Variants in DENND1A observed in about 807,000 individuals in gnomAD.
DENND1A encodes the protein DENN domain containing 1A.
DENND1A carries 51 observed loss-of-function variants against 113.7 expected under a neutral mutation model. The ratio of observed to expected loss-of-function variants is 0.45; its 90% confidence interval spans 0.36 to 0.57. The LOEUF is 0.57. Among genes scored for constraint, DENND1A ranks in the 20% least tolerant of loss-of-function variants. DENND1A has a pLI of 0.00. For synonymous variants in DENND1A, 565 were observed against 570.8 expected, an observed-to-expected ratio of 0.99 and a Z score of 0.14; for missense variants, 1,258 against 1,395.9, an observed-to-expected ratio of 0.90 and a Z score of 1.57.
At chr9:123,690,901 T>C (rs548857744) in intron 5 of DENND1A, among the ~76,000 whole-genome samples, 1 of 152,346 alleles carries the variant, frequency 6.6e-6, no homozygotes, top group East Asian at 1.9e-4. Context: ...AACAAACTGG[T>C]CACACGAGAG....
In DENND1A at chr9:123,485,651, C is replaced by CAA. The variant is rs753163146; in HGVS notation, c.994-27755_994-27754insTT. The CAA allele has an allele frequency of 6.1e-5, 3 of 48,812 alleles. No individual in the cohort carries two copies. In the South Asian group the frequency reaches 2.7e-3, roughly 44 times the overall value. 3.0% of individuals were successfully genotyped at this position (48,812 alleles called of 1,614,324 possible). A position where few individuals can be genotyped will look rare whatever the true frequency, so the allele number is the denominator to read the frequency against. ...GTGTGTGCGCGTACACACACGCGCG[C>CAA]GCGCGCACACACACACACACACACA... On this transcript the variant is annotated intron_variant, in intron 13 of 23. Transcript: ENST00000394215.
At chr9:123,600,363 C>A (rs1347817420) in intron 11 of DENND1A, among the ~76,000 whole-genome samples, 2 of 152,130 alleles carry the variant, frequency 1.3e-5, no homozygotes, top group African/African-American at 4.8e-5. Context: ...TCATTGAAAA[C>A]TCCTATGAAA....
intron 19 of DENND1A, among the ~76,000 whole-genome samples, chr9:123,432,276 C>T (rs1281663855): frequency 6.6e-6 from 1 of 152,248 alleles, no homozygotes; most frequent in Non-Finnish European, 1.5e-5. Context: ...GCCTTGTTAA[C>T]CTTTCATCAG....
intron 2 of DENND1A, among the ~76,000 whole-genome samples, chr9:123,809,082 C>T (rs1788722822): frequency 6.6e-6 from 1 of 152,186 alleles, no homozygotes; most frequent in Non-Finnish European, 1.5e-5. Context: ...AGACAGGAGG[C>T]AACAGGAGGA....
At chr9:123,560,616 G>C (rs562121713) in intron 12 of DENND1A, among the ~76,000 whole-genome samples, 31 of 151,856 alleles carry the variant, frequency 2.0e-4, no homozygotes, top group African/African-American at 5.8e-4. Flanking sequence ...CTTGAGCCCA[G>C]GAGTTTGAGG....
rs183306194 is a variant in DENND1A, at chr9:123,539,967, A to G, written c.993+17603T>C. 2.0e-5 allele frequency among the ~76,000 whole-genome samples: 3 copies of G among 152,306 alleles called. No individual in the cohort carries two copies. In the East Asian group the frequency reaches 5.8e-4, roughly 29 times the overall value. ...TATTTTATAATAAATAGATTTTTAA[A>G]GGTATAGCGGTACCTACCTAGTGGG... On this transcript the variant is annotated intron_variant, in intron 13 of 23. Coordinates refer to ENST00000394215, the MANE Select transcript of DENND1A (RefSeq NM_001352964.2).
intron 19 of DENND1A, chr9:123,413,866 A>G (rs1042332695): frequency 3.0e-6 from 3 of 985,346 alleles, no homozygotes; most frequent in East Asian, 1.1e-4. Flanking sequence ...ATCAAGAGGA[A>G]GAGGTGATCA....
chr9:123,515,812 G>A (rs963062929), intron 13 of DENND1A, among the ~76,000 whole-genome samples: 5 of 152,136 alleles, frequency 3.3e-5, no homozygotes, highest in East Asian at 3.9e-4. Context: ...TGAGGTGGGC[G>A]GATCCCTTGA....
In DENND1A at chr9:123,557,678, G is replaced by A; in HGVS notation, c.885C>T (p.Asn295=). Residue 295 remains asparagine, a synonymous_variant, in exon 13 of 24, where the codon AAC becomes AAT. Coordinates refer to ENST00000394215, the MANE Select transcript of DENND1A (RefSeq NM_001352964.2). ...LPNDVISSLK[N]RLKKVSTTTG... is the part of the protein sequence containing the mutation. The stretch of plus-strand genomic sequence containing the variant: ...TGGTTGTGGAGACCTTTTTCAGCCT[G>A]TTCTTCAGGGAAGAGATCTGGTGAT... 6.8e-6 allele frequency: 11 copies of A among 1,613,912 alleles called. No homozygotes were observed. Among genetic ancestry groups the A allele is most frequent in the South Asian group, 1.1e-5 (1 of 91,012 alleles).
At chr9:123,888,266 C>T (rs1486555433) in intron 1 of DENND1A, among the ~76,000 whole-genome samples, 1 of 152,142 alleles carries the variant, frequency 6.6e-6, no homozygotes, top group Non-Finnish European at 1.5e-5. Flanking sequence ...CTTCCACTGG[C>T]CAAATCTGGG....
intron 10 of DENND1A, among the ~76,000 whole-genome samples, chr9:123,617,376 A>G (rs529125866): frequency 2.7e-4 from 41 of 152,146 alleles, no homozygotes; most frequent in Admixed American, 2.0e-4. Flanking sequence ...GGCACTGGAG[A>G]TGGTTTGCTA....
chr9:123,895,342 C>T (rs1006366237), intron 1 of DENND1A, among the ~76,000 whole-genome samples: 1 of 152,060 alleles, frequency 6.6e-6, no homozygotes, highest in African/African-American at 2.4e-5. Context: ...AAGATTCGGT[C>T]GGGTATGGTG....
chr9:123,730,166 T>C (rs1275604671), intron 5 of DENND1A, among the ~76,000 whole-genome samples: 1 of 151,952 alleles, frequency 6.6e-6, no homozygotes, highest in Non-Finnish European at 1.5e-5. Flanking sequence ...TAGAATAAAG[T>C]CTAGACAATA....
At chr9:123,600,747 C>T (rs1481211042) in intron 11 of DENND1A, among the ~76,000 whole-genome samples, 2 of 152,004 alleles carry the variant, frequency 1.3e-5, no homozygotes, top group Non-Finnish European at 2.9e-5. Context: ...AGGAGAATCG[C>T]TTGAACCCAG....
At chr9:123,453,668 G>C (rs1354749538) in intron 16 of DENND1A, among the ~76,000 whole-genome samples, 1 of 152,196 alleles carries the variant, frequency 6.6e-6, no homozygotes, top group Non-Finnish European at 1.5e-5. Context: ...GGGTACCTAA[G>C]AGAATAAGAT....
intron 1 of DENND1A, 26 bp from the exon 2 acceptor site, chr9:123,879,047 C>T: frequency 1.2e-6 from 2 of 1,611,558 alleles, no homozygotes; most frequent in Non-Finnish European, 1.7e-6. Context: ...ATCATGATTA[C>T]TGACAAAGAT....
intron 13 of DENND1A, among the ~76,000 whole-genome samples, chr9:123,554,620 A>T (rs2057318544): frequency 6.6e-6 from 1 of 152,182 alleles, no homozygotes; most frequent in Non-Finnish European, 1.5e-5. Flanking sequence ...TTCCTTCTCC[A>T]CCTTATGGAA....
At chr9:123,502,286 T>C (rs917853686) in intron 13 of DENND1A, among the ~76,000 whole-genome samples, 3 of 150,078 alleles carry the variant, frequency 2.0e-5, no homozygotes, top group African/African-American at 7.4e-5. Flanking sequence ...TACATATGTA[T>C]GTCCTGTTAG....
intron 5 of DENND1A, among the ~76,000 whole-genome samples, chr9:123,747,326 AT>A (rs1459111202): frequency 6.6e-6 from 1 of 152,194 alleles, no homozygotes; most frequent in African/African-American, 2.4e-5. Flanking sequence ...CAATAGGACA[AT>A]TAACCTCACA....
Sources: gnomAD v4.1 joint callset for allele counts (sites outside exome capture counted in the v4.1 genomes callset) on GRCh38, gnomAD v4.1.1 for gene constraint, MANE v1.5 for transcripts, NCBI Gene and HGNC (gene_info 2026-07-23, HGNC 2026-07-21) for gene names.